The following TMPRSS15 variants were observed in gnomAD, a reference collection of about 807,000 sequenced individuals.
The protein encoded by TMPRSS15 is enteropeptidase.
In TMPRSS15, 128 loss-of-function variants were observed where a neutral mutation model predicts 125.3. That is an observed-to-expected ratio of 1.02 (90% CI 0.89 to 1.18). The LOEUF is 1.18. Among genes scored for constraint, TMPRSS15 ranks in the 50% most tolerant of loss-of-function variants. TMPRSS15 has a pLI of 0.00. For missense variants in TMPRSS15, 1,283 were observed against 1,212.7 expected (o/e 1.06, Z -0.86); for synonymous variants, 446 against 423.2 (o/e 1.05, Z -0.66).
chr21:18,378,886 G>C (rs1196154419), intron 5 of TMPRSS15, among the ~76,000 whole-genome samples: 1 of 152,092 alleles, frequency 6.6e-6, no homozygotes, highest in Admixed American at 6.6e-5. Flanking sequence ...TTGGCCACAA[G>C]TGCTGTGTTA....
chr21:18,385,231 G>A (rs892520450), intron 3 of TMPRSS15, among the ~76,000 whole-genome samples: 8 of 152,102 alleles, frequency 5.3e-5, no homozygotes, highest in Admixed American at 1.3e-4. Context: ...TTAGTTCAGG[G>A]TTTCCCAAAC....
At chr21:18,281,841 T>C (rs2074702170) in intron 21 of TMPRSS15, among the ~76,000 whole-genome samples, 2 of 152,196 alleles carry the variant, frequency 1.3e-5, no homozygotes, top group South Asian at 4.2e-4. Flanking sequence ...CTCACGCCTG[T>C]AATCCCAGCA....
intron 4 of TMPRSS15, among the ~76,000 whole-genome samples, chr21:18,381,930 A>G (rs574013031): frequency 2.0e-5 from 3 of 152,130 alleles, no homozygotes; most frequent in Non-Finnish European, 4.4e-5. Flanking sequence ...CTCCCATGAC[A>G]CAAGTTTACC....
chr21:18,463,305 A>G (rs1397053031), intron 1 of TMPRSS15, among the ~76,000 whole-genome samples: 1 of 148,122 alleles, frequency 6.8e-6, no homozygotes, highest in Non-Finnish European at 1.5e-5. Flanking sequence ...TTGCAATCCT[A>G]GTCTCTGATA....
At chr21:18,271,356 C>CAT (rs1216053147) in intron 24 of TMPRSS15, among the ~76,000 whole-genome samples, 2 of 152,108 alleles carry the variant, frequency 1.3e-5, no homozygotes, top group African/African-American at 4.8e-5. Context: ...TGTTTTTTTA[C>CAT]ATATCTTCTA....
intron 18 of TMPRSS15, among the ~76,000 whole-genome samples, chr21:18,308,376 T>TACACACACACACACAC (rs3138687): frequency 2.0e-5 from 3 of 148,676 alleles, no homozygotes; most frequent in Non-Finnish European, 1.5e-5. Context: ...TAAAAAGAAT[T>TACACACACACACACAC]ACACACACAC....
intron 7 of TMPRSS15, among the ~76,000 whole-genome samples, chr21:18,364,752 T>A (rs920281511): frequency 1.3e-5 from 2 of 152,180 alleles, no homozygotes; most frequent in African/African-American, 4.8e-5. Context: ...CTTTAGAGAT[T>A]TCCACATGGT....
At chr21:18,405,356 G>T (rs1315331128), upstream of TMPRSS15, among the ~76,000 whole-genome samples, 1 of 152,114 alleles carries the variant, frequency 6.6e-6, no homozygotes, top group Non-Finnish European at 1.5e-5. Flanking sequence ...ATGAGTGAAA[G>T]AATAGCTTTT....
At chr21:18,442,676 T>C (rs2300510) in intron 1 of TMPRSS15, among the ~76,000 whole-genome samples, 16,018 of 152,212 alleles carry the variant, frequency 0.11, 1,120 homozygotes, top group East Asian at 0.3. Flanking sequence ...GACATCCAGC[T>C]AGTTGATCAG....
rs542291808 is a variant in TMPRSS15 at position 18,409,402 on chromosome 21, T to A, written c.11-11073A>T. 5.1e-3 allele frequency among the ~76,000 whole-genome samples: 782 copies of A among 152,206 alleles called. 6 individuals are homozygous for A. The highest frequency in any genetic ancestry group is 0.031 in the Middle Eastern group (9 of 294). Reference sequence around the variant, plus strand: ...ATCCTTTATTAAAGCTTCAAATCTTTTTTTGTGTTTTTGTTGTTCAATTTA... The same window carrying A: ...ATCCTTTATTAAAGCTTCAAATCTTATTTTGTGTTTTTGTTGTTCAATTTA... On this transcript the variant is annotated intron_variant, in intron 1 of 7. Transcript: ENST00000422787.
In TMPRSS15 at chr21:18,365,628, CTCTT is replaced by C. The variant is rs1569035572; in HGVS notation, c.665-384_665-381del. Among the ~76,000 whole-genome samples the C allele has an allele frequency of 1.1e-4, 7 of 63,086 alleles. 1 individual carries two copies. Among genetic ancestry groups the C allele is most frequent in the South Asian group, 6.4e-4 (1 of 1,552 alleles). 41.4% of individuals were successfully genotyped at this position (63,086 alleles called of 152,430 possible). A position where few individuals can be genotyped will look rare whatever the true frequency, so the allele number is the denominator to read the frequency against. On this transcript the variant is annotated intron_variant, in intron 6 of 24. Coordinates refer to ENST00000284885, the MANE Select transcript of TMPRSS15 (RefSeq NM_002772.3). ...TTTCCTTCCTTTTCTCTCTTTCTTT[CTCTT>C]TCTCTCTCTTTTTCCTCCCTTCCTT...
At chr21:18,302,340 A>AG (rs2074981919) in intron 18 of TMPRSS15, among the ~76,000 whole-genome samples, 1 of 152,158 alleles carries the variant, frequency 6.6e-6, no homozygotes, top group Admixed American at 6.5e-5. Flanking sequence ...TTACAGGCAG[A>AG]GGCTTGGTGG....
intron 19 of TMPRSS15, 50 bp from the exon 20 acceptor site, chr21:18,294,702 C>A: frequency 6.7e-7 from 1 of 1,481,514 alleles, no homozygotes; most frequent in South Asian, 1.1e-5. Flanking sequence ...TTAATATTTT[C>A]AAGTCAAACA....
At chr21:18,358,182 T>C (rs1011559700) in intron 8 of TMPRSS15, among the ~76,000 whole-genome samples, 2 of 151,834 alleles carry the variant, frequency 1.3e-5, no homozygotes, top group African/African-American at 2.4e-5. Flanking sequence ...AGACAGACCA[T>C]GGTATTTGAA....
At chr21:18,279,486 T>C (rs1015721286) in intron 22 of TMPRSS15, among the ~76,000 whole-genome samples, 4 of 150,790 alleles carry the variant, frequency 2.7e-5, no homozygotes, top group South Asian at 4.2e-4. Flanking sequence ...CCACCACGCC[T>C]GGCTAATTTT....
At chr21:18,416,112 A>G (rs2076179525) in intron 1 of TMPRSS15, among the ~76,000 whole-genome samples, 1 of 152,046 alleles carries the variant, frequency 6.6e-6, no homozygotes, top group South Asian at 2.1e-4. Flanking sequence ...ATACAATGAA[A>G]ACTGCAAAAC....
intron 18 of TMPRSS15, among the ~76,000 whole-genome samples, chr21:18,312,543 T>C (rs928696963): frequency 6.6e-6 from 1 of 151,242 alleles, no homozygotes; most frequent in Non-Finnish European, 1.5e-5. Flanking sequence ...AAAAAAACTA[T>C]TGTAAATGTG....
intron 12 of TMPRSS15, 118 bp downstream of exon 12, chr21:18,343,388 A>G (rs904949424): frequency 4.2e-6 from 4 of 954,122 alleles, no homozygotes; most frequent in African/African-American, 3.3e-5. Context: ...TTGGGCAAGT[A>G]GAGAAAGTGA....
chr21:18,312,890 T>A, intron 18 of TMPRSS15, 55 bp downstream of exon 18: 1 of 1,602,760 alleles, frequency 6.2e-7, no homozygotes, highest in East Asian at 2.2e-5. Context: ...CCTAATTTGA[T>A]AGTAATAAAA....
Sources: allele counts gnomAD v4.1 joint callset (sites outside exome capture counted in the v4.1 genomes callset), GRCh38; gene constraint gnomAD v4.1.1; transcripts MANE v1.5; gene names NCBI Gene and HGNC (gene_info 2026-07-23, HGNC 2026-07-21).